Variants in C12orf42 observed in about 807,000 individuals in gnomAD.
C12orf42 encodes the protein uncharacterized protein C12orf42.
A neutral mutation model predicts 21.6 loss-of-function variants in C12orf42; 25 were observed. The observed-to-expected ratio is 1.16, with a 90% CI of 0.84 to 1.62. The LOEUF (loss-of-function observed/expected upper bound fraction) is 1.62, where lower values mean the gene tolerates loss of function less well. Among genes scored for constraint, C12orf42 ranks in the 40% most tolerant of loss-of-function variants. C12orf42 has a pLI of 0.00. For synonymous variants in C12orf42, 174 were observed against 175.0 expected (o/e 0.99, Z 0.05); for missense variants, 483 against 459.3 (o/e 1.05, Z -0.47).
the C12orf42 span, among the ~76,000 whole-genome samples, chr12:103,537,576 G>T: frequency 6.6e-6 from 1 of 152,168 alleles, no homozygotes; most frequent in Non-Finnish European, 1.5e-5. Flanking sequence ...ATATAGAAGT[G>T]CTGAGAAGTG....
At chr12:103,469,325 G>T (rs1472697579) in intron 2 of C12orf42, among the ~76,000 whole-genome samples, 1 of 152,156 alleles carries the variant, frequency 6.6e-6, no homozygotes, top group African/African-American at 2.4e-5. Flanking sequence ...TTTCTTTTCT[G>T]ATTATAAAAA....
At chr12:103,518,972 T>C in the C12orf42 span, among the ~76,000 whole-genome samples, 2 of 152,178 alleles carry the variant, frequency 1.3e-5, no homozygotes, top group African/African-American at 4.8e-5. Flanking sequence ...TCACCTTGAA[T>C]TGTAATCCCC....
At chr12:103,326,704 C>T (rs1187073774) in intron 4 of C12orf42, among the ~76,000 whole-genome samples, 1 of 152,214 alleles carries the variant, frequency 6.6e-6, no homozygotes, top group African/African-American at 2.4e-5. Context: ...TTGTCTCCTT[C>T]AAGCTGCACA....
At chr12:103,132,797 G>A in the C12orf42 span, among the ~76,000 whole-genome samples, 3 of 63,964 alleles carry the variant, frequency 4.7e-5, no homozygotes, top group Non-Finnish European at 6.0e-5. Context: ...AGCAGCCACC[G>A]CTACCGCAGC....
chr12:103,314,771 C>G (rs932413345), intron 4 of C12orf42, among the ~76,000 whole-genome samples: 6 of 152,156 alleles, frequency 3.9e-5, no homozygotes, highest in East Asian at 3.8e-4. Flanking sequence ...CCCCCTTTAG[C>G]CTTCTTGTCT....
At chr12:103,407,881 A>C (rs1951591216) in intron 2 of C12orf42, among the ~76,000 whole-genome samples, 1 of 152,202 alleles carries the variant, frequency 6.6e-6, no homozygotes, top group South Asian at 2.1e-4. Context: ...TCAAAGGTTG[A>C]GTTTTGAAAA....
chr12:103,222,941 C>A, the C12orf42 span, among the ~76,000 whole-genome samples: 2 of 151,578 alleles, frequency 1.3e-5, no homozygotes, highest in Non-Finnish European at 2.9e-5. Context: ...TTTTCCTCTA[C>A]TTTCAGTCTC....
At chr12:103,210,885 C>T in the C12orf42 span, among the ~76,000 whole-genome samples, 5 of 151,636 alleles carry the variant, frequency 3.3e-5, no homozygotes, top group Admixed American at 2.0e-4. Flanking sequence ...CAGGTACTTG[C>T]GAGGATGAAG....
the C12orf42 span, among the ~76,000 whole-genome samples, chr12:103,057,447 C>A: frequency 1.3e-5 from 2 of 152,148 alleles, no homozygotes; most frequent in East Asian, 3.9e-4. Flanking sequence ...TGAAAACATC[C>A]AGTATTTGGT....
At chr12:103,538,446 A>T in the C12orf42 span, among the ~76,000 whole-genome samples, 1 of 152,204 alleles carries the variant, frequency 6.6e-6, no homozygotes, top group Non-Finnish European at 1.5e-5. Context: ...AGGCCTGGAA[A>T]CTACAACTCT....
chr12:103,217,251 G>A, the C12orf42 span, among the ~76,000 whole-genome samples: 388 of 152,152 alleles, frequency 2.6e-3, 2 homozygotes, highest in African/African-American at 7.6e-3. Flanking sequence ...TGAGTGCAGC[G>A]GCTCACACCT....
intron 4 of C12orf42, among the ~76,000 whole-genome samples, chr12:103,295,572 G>A (rs192450072): frequency 1.1e-4 from 16 of 152,028 alleles, no homozygotes; most frequent in African/African-American, 3.9e-4. Flanking sequence ...TCACAGTTAT[G>A]GAATGAAGGT....
At chr12:103,497,136 G>A (rs1007163933), upstream of C12orf42, among the ~76,000 whole-genome samples, 19 of 152,072 alleles carry the variant, frequency 1.2e-4, no homozygotes, top group African/African-American at 4.6e-4. Context: ...GAAAATGACA[G>A]TTCCACTAAT....
the C12orf42 span, among the ~76,000 whole-genome samples, chr12:103,202,057 G>A: frequency 4.6e-5 from 7 of 152,170 alleles, no homozygotes; most frequent in East Asian, 9.7e-4. Flanking sequence ...ACTCTACCAG[G>A]GCCAGCAACC....
intron 2 of C12orf42, among the ~76,000 whole-genome samples, chr12:103,413,463 T>C (rs2049017453): frequency 7.6e-6 from 1 of 132,276 alleles, no homozygotes; most frequent in Non-Finnish European, 1.6e-5. Context: ...TGAATTTTAT[T>C]TTGGTATTTA....
chr12:103,548,638 T>A, the C12orf42 span: 2 of 152,250 alleles, frequency 1.3e-5, no homozygotes, highest in Non-Finnish European at 2.9e-5. Flanking sequence ...AATTGCTTAC[T>A]TCATCTTTGC....
chr12:103,186,681 G>T, the C12orf42 span, among the ~76,000 whole-genome samples: 2 of 152,120 alleles, frequency 1.3e-5, no homozygotes, highest in Admixed American at 1.3e-4. Context: ...ATGGATGTAT[G>T]TGAGGGATAC....
rs1430421731 is a variant in C12orf42 at position 103,332,468 on chromosome 12, A to G, written c.260-26123T>C. Among the ~76,000 whole-genome samples, 8 of 152,354 alleles carry G rather than the reference A, an allele frequency of 5.3e-5. 2 individuals are homozygous for G. The highest frequency in any genetic ancestry group is 5.2e-4 in the Admixed American group (8 of 15,304). Reference sequence around the variant, plus strand: ...GAGATGCAGCTGACACACCCATTTTAAAAGTCCTCAACAAACCAGCTGTAA... The same window carrying G: ...GAGATGCAGCTGACACACCCATTTTGAAAGTCCTCAACAAACCAGCTGTAA... On this transcript the variant is annotated intron_variant, in intron 4 of 5. Coordinates refer to ENST00000548883, the MANE Select transcript of C12orf42 (RefSeq NM_198521.5).
At chr12:103,469,491 CTTT>C (rs1425095400) in intron 2 of C12orf42, among the ~76,000 whole-genome samples, 1 of 152,076 alleles carries the variant, frequency 6.6e-6, no homozygotes, top group Non-Finnish European at 1.5e-5. Context: ...TGTATGAATA[CTTT>C]TTTAAGAAAA....
Sources: gnomAD v4.1 joint callset for allele counts (sites outside exome capture counted in the v4.1 genomes callset) on GRCh38, gnomAD v4.1.1 for gene constraint, MANE v1.5 for transcripts, NCBI Gene and HGNC (gene_info 2026-07-23, HGNC 2026-07-21) for gene names.